SFXN5: variants seen among roughly 807,000 people sequenced by gnomAD.
SFXN5 encodes sideroflexin 5, also known as sideroflexin-5.
SFXN5 carries 43 observed loss-of-function variants against 50.2 expected under a neutral mutation model. That is an observed-to-expected ratio of 0.86 (90% CI 0.67 to 1.11). The LOEUF is 1.11. Ranked by LOEUF, SFXN5 falls within the 50% of genes least tolerant of loss-of-function variation. The pLI, the probability that SFXN5 is intolerant of heterozygous loss-of-function variation, is 0.00. For missense variants in SFXN5, 463 were observed against 454.1 expected (o/e 1.02, Z -0.18); for synonymous variants, 203 against 185.8 (o/e 1.09, Z -0.75).
intron 12 of SFXN5, among the ~76,000 whole-genome samples, chr2:72,962,645 G>T (rs1317800129): frequency 1.3e-5 from 2 of 152,144 alleles, no homozygotes; most frequent in African/African-American, 4.8e-5. Flanking sequence ...TATTAATAAA[G>T]ATCCCATTAC....
At chr2:73,015,384 G>A (rs1392365289) in intron 6 of SFXN5, among the ~76,000 whole-genome samples, 1 of 152,086 alleles carries the variant, frequency 6.6e-6, no homozygotes, top group Admixed American at 6.6e-5. Context: ...AATTTCATAA[G>A]TGATATTGGC....
At chr2:72,965,809 C>T (rs1674323893) in intron 12 of SFXN5, among the ~76,000 whole-genome samples, 1 of 152,208 alleles carries the variant, frequency 6.6e-6, no homozygotes. Flanking sequence ...ACTGGGAAGG[C>T]ATCACAGAGC....
Position 72,991,403 on chromosome 2 carries a change from C to A in SFXN5, c.535-3055G>T, listed in dbSNP as rs114713150. Reference sequence around the variant, plus strand: ...AACGTGCCTGCGCCCAAGAAAGGGGCTGGGGACCAGCAAAGTAGGGAGGAG... The same window carrying A: ...AACGTGCCTGCGCCCAAGAAAGGGGATGGGGACCAGCAAAGTAGGGAGGAG... On this transcript the variant is annotated intron_variant, in intron 9 of 13. Transcript: ENST00000272433. 3.0e-3 allele frequency among the ~76,000 whole-genome samples: 459 copies of A among 152,398 alleles called. 1 individual carries two copies. Among genetic ancestry groups the A allele is most frequent in the African/African-American group, 0.011 (439 of 41,606 alleles).
chr2:73,041,058 G>A, intron 2 of SFXN5, 127 bp from the exon 3 acceptor site: 1 of 603,564 alleles, frequency 1.7e-6, no homozygotes, highest in Non-Finnish European at 2.8e-6. Flanking sequence ...TCAGTTCATG[G>A]GACACACACA....
chr2:72,996,474 A>T (rs1673248005), intron 9 of SFXN5: 1 of 144,554 alleles, frequency 6.9e-6, no homozygotes. Flanking sequence ...GGACACACAG[A>T]GGGCTCGGAG....
chr2:73,065,908 T>C (rs1408735189), intron 1 of SFXN5, among the ~76,000 whole-genome samples: 1 of 152,200 alleles, frequency 6.6e-6, no homozygotes, highest in African/African-American at 2.4e-5. Flanking sequence ...AGAAAGTATG[T>C]GTGTTTGTTT....
chr2:73,054,041 C>G (rs1681754091), intron 2 of SFXN5, among the ~76,000 whole-genome samples: 1 of 152,156 alleles, frequency 6.6e-6, no homozygotes, highest in Non-Finnish European at 1.5e-5. Context: ...TGGAGATGAC[C>G]TTGCTAAATA....
In SFXN5 at chr2:73,017,895, T is replaced by A. The variant is rs559159049; in HGVS notation, c.357+2344A>T. Among the ~76,000 whole-genome samples the A allele has an allele frequency of 1.8e-4, 28 of 152,228 alleles. No homozygotes were observed. The East Asian group carries it at 3.3e-3, about 18-fold the overall frequency. On this transcript the variant is annotated intron_variant, in intron 6 of 13. Coordinates refer to ENST00000272433, the MANE Select transcript of SFXN5 (RefSeq NM_144579.3). ...AAGGAAATAGGGCTCCTTGGAGAAATCAATTATTCTAGGATGGGGGTGAAG... is the reference window on the plus strand; with the variant it reads ...AAGGAAATAGGGCTCCTTGGAGAAAACAATTATTCTAGGATGGGGGTGAAG...
At chr2:73,060,703 C>CT (rs61079585) in intron 1 of SFXN5, among the ~76,000 whole-genome samples, 24,471 of 139,876 alleles carry the variant, frequency 0.17, 3,705 homozygotes, top group African/African-American at 0.42. Context: ...TGTCCTTGTT[C>CT]TTTTTTTTTT....
intron 2 of SFXN5, among the ~76,000 whole-genome samples, chr2:73,047,279 CACAT>C (rs1370054298): frequency 2.8e-4 from 18 of 63,478 alleles, no homozygotes; most frequent in African/African-American, 8.7e-4. Flanking sequence ...TATATATACA[CACAT>C]ATATATATAT....
chr2:73,027,029 T>G (rs1677646618), intron 3 of SFXN5, among the ~76,000 whole-genome samples: 1 of 152,078 alleles, frequency 6.6e-6, no homozygotes, highest in Non-Finnish European at 1.5e-5. Flanking sequence ...GCCCAGCCAC[T>G]TCTTATTATT....
intron 10 of SFXN5, among the ~76,000 whole-genome samples, chr2:72,976,498 C>CA (rs1411740264): frequency 6.6e-6 from 1 of 152,028 alleles, no homozygotes; most frequent in Admixed American, 6.6e-5. Context: ...ATCAGAAATG[C>CA]AAACAAAAAT....
Position 72,961,296 on chromosome 2 carries a change from G to T in SFXN5, c.828-48C>A, listed in dbSNP as rs750695018. ...CCCCATGAGACCCGAAGGTGGGGTGGGCTGGCTGCCAGCCACCATGCTGGG... is the reference window on the plus strand; with the variant it reads ...CCCCATGAGACCCGAAGGTGGGGTGTGCTGGCTGCCAGCCACCATGCTGGG... On this transcript the variant is annotated intron_variant, in intron 12 of 13. Transcript: ENST00000272433. The surrounding 1 kb of genome is among the most constrained non-coding windows in gnomAD (Gnocchi z 4.4). 1.5e-6 allele frequency: 2 copies of T among 1,363,538 alleles called. No homozygotes were observed. Among genetic ancestry groups the T allele is most frequent in the South Asian group, 2.8e-5 (2 of 70,222 alleles). 84.5% of individuals were successfully genotyped at this position (1,363,538 alleles called of 1,614,324 possible).
intron 11 of SFXN5, among the ~76,000 whole-genome samples, chr2:72,969,535 C>T (rs929249884): frequency 6.6e-6 from 1 of 152,024 alleles, no homozygotes; most frequent in Admixed American, 6.6e-5. Context: ...GCTGGGATTA[C>T]AGGCATGCCC....
chr2:73,027,368 A>G (rs1306776409), intron 3 of SFXN5, among the ~76,000 whole-genome samples: 1 of 152,264 alleles, frequency 6.6e-6, no homozygotes, highest in Non-Finnish European at 1.5e-5. Flanking sequence ...ACAGTTGTAC[A>G]GTGTTTGTGT....
intron 2 of SFXN5, among the ~76,000 whole-genome samples, chr2:73,048,052 A>G (rs1680745439): frequency 6.6e-6 from 1 of 152,250 alleles, no homozygotes; most frequent in Non-Finnish European, 1.5e-5. Flanking sequence ...ATATACTCAT[A>G]GGTAAAAGTA....
At chr2:73,000,376 G>T in intron 8 of SFXN5, 55 bp downstream of exon 8, 2 of 1,507,008 alleles carry the variant, frequency 1.3e-6, no homozygotes, top group South Asian at 2.4e-5. Context: ...TAGGGAGGAT[G>T]ACTGGGCCTC....
chr2:73,030,426 G>T (rs1388459946), intron 3 of SFXN5, among the ~76,000 whole-genome samples: 1 of 152,098 alleles, frequency 6.6e-6, no homozygotes, highest in Non-Finnish European at 1.5e-5. Context: ...TGACCAGGCT[G>T]GTCATGAACT....
chr2:73,007,504 C>T (rs921503114), intron 6 of SFXN5, among the ~76,000 whole-genome samples: 4 of 152,080 alleles, frequency 2.6e-5, no homozygotes, highest in Non-Finnish European at 5.9e-5. Flanking sequence ...GTCTGTCACG[C>T]GCTCTCCGGC....
Sources: allele counts gnomAD v4.1 joint callset (sites outside exome capture counted in the v4.1 genomes callset), GRCh38; gene constraint gnomAD v4.1.1; non-coding constraint Gnocchi (gnomAD v3.1); transcripts MANE v1.5; gene names NCBI Gene and HGNC (gene_info 2026-07-23, HGNC 2026-07-21).